Variants in ZMAT3 observed in about 807,000 individuals in gnomAD.
ZMAT3 encodes zinc finger matrin-type 3.
In ZMAT3, 17 loss-of-function variants were observed where a neutral mutation model predicts 32.3. That is an observed-to-expected ratio of 0.53 (90% CI 0.36 to 0.79). The LOEUF is 0.79. Ranked by LOEUF, ZMAT3 falls within the 30% of genes least tolerant of loss-of-function variation. ZMAT3 has a pLI of 0.00. For synonymous variants in ZMAT3, 120 were observed against 133.1 expected, an observed-to-expected ratio of 0.90 and a Z score of 0.68; for missense variants, 329 against 359.7, an observed-to-expected ratio of 0.91 and a Z score of 0.69.
chr3:179,061,062 G>A (rs1272018486), intron 2 of ZMAT3, among the ~76,000 whole-genome samples: 5 of 150,584 alleles, frequency 3.3e-5, no homozygotes, highest in Non-Finnish European at 7.4e-5. Context: ...TTTATTTCAA[G>A]AAAAAAAAAA....
intron 3 of ZMAT3, among the ~76,000 whole-genome samples, chr3:179,029,136 G>A (rs1719042629): frequency 6.7e-6 from 1 of 150,182 alleles, no homozygotes; most frequent in South Asian, 2.1e-4. Context: ...TCCAGCCTGG[G>A]CAACAAGAGC....
intron 2 of ZMAT3, among the ~76,000 whole-genome samples, chr3:179,060,101 T>C (rs1721073519): frequency 6.6e-6 from 1 of 152,104 alleles, no homozygotes; most frequent in South Asian, 2.1e-4. Context: ...CCCCTCCCTT[T>C]GTATGGGAGC....
chr3:179,051,133 C>T (rs1720532328), intron 2 of ZMAT3, among the ~76,000 whole-genome samples: 1 of 152,080 alleles, frequency 6.6e-6, no homozygotes, highest in African/African-American at 2.4e-5. Flanking sequence ...GAAGTCCTAG[C>T]CAGAGCAATC....
rs1004801686 is a variant in ZMAT3, at chr3:179,024,165, G to A, written c.*852C>T. 6 of 152,100 alleles carry A rather than the reference G, an allele frequency of 3.9e-5. No individual in the cohort carries two copies. Among genetic ancestry groups the A allele is most frequent in the East Asian group, 1.9e-4 (1 of 5,174 alleles). 9.4% of individuals were successfully genotyped at this position (152,100 alleles called of 1,614,324 possible). A position where few individuals can be genotyped will look rare whatever the true frequency, so the allele number is the denominator to read the frequency against. On this transcript the variant is annotated 3_prime_UTR_variant, in exon 6 of 6. Transcript: ENST00000311417. Reference sequence around the variant, plus strand: ...GGGAAAAAAGAGGAGGGAAGAAGGCGGCAATTATATGTGTGAAATCCACAA... The same window carrying A: ...GGGAAAAAAGAGGAGGGAAGAAGGCAGCAATTATATGTGTGAAATCCACAA...
At chr3:179,033,993 A>G (rs1719443387) in intron 2 of ZMAT3, among the ~76,000 whole-genome samples, 1 of 152,244 alleles carries the variant, frequency 6.6e-6, no homozygotes, top group Non-Finnish European at 1.5e-5. Context: ...ACTAACATCA[A>G]CTTGCCTTTC....
chr3:179,027,339 G>T, intron 5 of ZMAT3, 84 bp downstream of exon 5: 2 of 1,232,902 alleles, frequency 1.6e-6, no homozygotes, highest in South Asian at 1.4e-5. Context: ...AATTCTCAGG[G>T]CTATCTATTA....
At chr3:179,066,717 G>C (rs955008365) in intron 2 of ZMAT3, among the ~76,000 whole-genome samples, 1 of 152,158 alleles carries the variant, frequency 6.6e-6, no homozygotes, top group African/African-American at 2.4e-5. Context: ...CAAATGTCTA[G>C]AATAAAAAGA....
At chr3:179,061,029 A>G (rs1177408091) in intron 2 of ZMAT3, among the ~76,000 whole-genome samples, 1 of 146,310 alleles carries the variant, frequency 6.8e-6, no homozygotes, top group Non-Finnish European at 1.5e-5. Context: ...GCTCAAAAAA[A>G]TTATTTCCCA....
rs746269403 is a variant in ZMAT3, at chr3:179,067,598, T to C, written c.155A>G (p.Glu52Gly). 6.2e-7 allele frequency: 1 copy of C among 1,614,138 alleles called. No homozygotes were observed. The highest frequency in any genetic ancestry group is 1.3e-5 in the African/African-American group (1 of 75,038). Reference sequence around the variant, plus strand: ...GTCTTGCTCCCCTCCCTTCGATAACTCTTCTTCCCCTGCAAGAGGCAAGGA... The same window carrying C: ...GTCTTGCTCCCCTCCCTTCGATAACCCTTCTTCCCCTGCAAGAGGCAAGGA... ...EASLPLAGEEELSKGGEQDCA... is the reference protein window; with the variant it reads ...EASLPLAGEEGLSKGGEQDCA... Residue 52 changes from glutamate (E) to glycine (G), a missense_variant, in exon 2 of 6, where the codon GAG (glutamate) becomes GGG (glycine). Coordinates refer to ENST00000311417, the MANE Select transcript of ZMAT3 (RefSeq NM_022470.4).
chr3:179,051,505 G>A (rs1720555622), intron 2 of ZMAT3, among the ~76,000 whole-genome samples: 1 of 152,142 alleles, frequency 6.6e-6, no homozygotes, highest in African/African-American at 2.4e-5. Flanking sequence ...AATAACAGAT[G>A]ACACAAACAA....
At chr3:179,048,354 C>T (rs542339349) in intron 2 of ZMAT3, among the ~76,000 whole-genome samples, 114 of 152,318 alleles carry the variant, frequency 7.5e-4, no homozygotes, top group African/African-American at 2.7e-3. Flanking sequence ...CCTAGGCATA[C>T]AGTCATCAGG....
intron 2 of ZMAT3, among the ~76,000 whole-genome samples, chr3:179,034,839 C>T (rs1719493747): frequency 6.6e-6 from 1 of 152,174 alleles, no homozygotes; most frequent in African/African-American, 2.4e-5. Context: ...ACACATTCAA[C>T]CCATCAGCAA....
At position 179,018,477 on chromosome 3, in the gene ZMAT3, T is replaced by C. The variant is rs1718384181; in HGVS notation, c.*6540A>G. On this transcript the variant is annotated 3_prime_UTR_variant, in exon 6 of 6. Coordinates refer to ENST00000311417, the MANE Select transcript of ZMAT3 (RefSeq NM_022470.4). ...AAAAAAAGTGTAATTAGTAAAAATA[T>C]GGATTTTCCCTCCAAGGGCCCAAAG... 1 of 152,020 alleles carries C rather than the reference T, an allele frequency of 6.6e-6. No individual in the cohort carries two copies. 9.4% of individuals were successfully genotyped at this position (152,020 alleles called of 1,614,324 possible).
chr3:179,072,445 A>G (rs1211065776), upstream of ZMAT3, among the ~76,000 whole-genome samples: 1 of 152,154 alleles, frequency 6.6e-6, no homozygotes, highest in Non-Finnish European at 1.5e-5. Context: ...GACCAGGAAA[A>G]GAGTGGCCAA....
intron 2 of ZMAT3, among the ~76,000 whole-genome samples, chr3:179,043,400 G>C (rs955438544): frequency 2.6e-5 from 4 of 152,050 alleles, no homozygotes; most frequent in African/African-American, 9.7e-5. Flanking sequence ...GAAAAGAACA[G>C]GCCTCAGAAA....
At position 179,017,313 on chromosome 3, in the gene ZMAT3, T is replaced by C. The variant is rs1408563416; in HGVS notation, c.*7704A>G. ...CAAGCCTTTATCAGAAATCAGTACA[T>C]AAGTGAGGATACACAGCCAAAATGA... On this transcript the variant is annotated 3_prime_UTR_variant, in exon 6 of 6. Coordinates refer to ENST00000311417, the MANE Select transcript of ZMAT3 (RefSeq NM_022470.4). 1 of 152,070 alleles carries C rather than the reference T, an allele frequency of 6.6e-6. No individual in the cohort carries two copies. Among genetic ancestry groups the C allele is most frequent in the Non-Finnish European group, 1.5e-5 (1 of 68,002 alleles). 9.4% of individuals were successfully genotyped at this position (152,070 alleles called of 1,614,324 possible). A position where few individuals can be genotyped will look rare whatever the true frequency, so the allele number is the denominator to read the frequency against.
chr3:179,043,422 A>G (rs1290996065), intron 2 of ZMAT3, among the ~76,000 whole-genome samples: 7 of 152,206 alleles, frequency 4.6e-5, no homozygotes, highest in Admixed American at 3.9e-4. Context: ...AACACCACAC[A>G]TCTACAACCA....
intron 2 of ZMAT3, among the ~76,000 whole-genome samples, chr3:179,047,402 G>A (rs1720298907): frequency 6.6e-6 from 1 of 152,192 alleles, no homozygotes. Context: ...CTACCCAAAT[G>A]AGGAAGAACC....
intron 2 of ZMAT3, among the ~76,000 whole-genome samples, chr3:179,056,426 G>A (rs1720848273): frequency 6.6e-6 from 1 of 152,122 alleles, no homozygotes; most frequent in Non-Finnish European, 1.5e-5. Flanking sequence ...GCCTAATAGG[G>A]CTGGCTTCCA....
Sources: allele counts gnomAD v4.1 joint callset (sites outside exome capture counted in the v4.1 genomes callset), GRCh38; gene constraint gnomAD v4.1.1; transcripts MANE v1.5; gene names NCBI Gene and HGNC (gene_info 2026-07-23, HGNC 2026-07-21).